The following DNAJC17 variants were observed in gnomAD, a reference collection of about 807,000 sequenced individuals.
DNAJC17 encodes the protein DnaJ heat shock protein family (Hsp40) member C17, also known as dnaJ homolog subfamily C member 17.
DNAJC17 carries 35 observed loss-of-function variants against 48.1 expected under a neutral mutation model. That is an observed-to-expected ratio of 0.73 (90% CI 0.56 to 0.96). DNAJC17 has a LOEUF of 0.96. DNAJC17 is among the 50% of genes least tolerant of loss of function. The pLI, the probability that DNAJC17 is intolerant of heterozygous loss-of-function variation, is 0.00. For missense variants in DNAJC17, 355 were observed against 377.1 expected (o/e 0.94, Z 0.48); for synonymous variants, 117 against 142.7 (o/e 0.82, Z 1.28).
chr15:40,774,179 C>T (rs368201006), intron 9 of DNAJC17, 177 bp downstream of exon 9: 8 of 707,546 alleles, frequency 1.1e-5, no homozygotes, highest in African/African-American at 1.8e-5. Context: ...TCCATCCCTT[C>T]ACACACGGTG....
chr15:40,774,554 C>T (rs553589133), intron 8 of DNAJC17, 118 bp from the exon 9 acceptor site: 1 of 1,070,692 alleles, frequency 9.3e-7, no homozygotes, highest in Admixed American at 2.1e-5. Flanking sequence ...TGGGAGATAA[C>T]TTCTTGCCCC....
In DNAJC17 at chr15:40,766,141, C is replaced by T. The variant is rs1011847764; in HGVS notation, c.*1799G>A. On this transcript the variant is annotated 3_prime_UTR_variant, in exon 11 of 11. Coordinates refer to ENST00000220496, the MANE Select transcript of DNAJC17 (RefSeq NM_018163.3). ...GCTCTGAAAGCTTTCCACATCCTTA[C>T]TGGAACCGCAGAAACAGAGTCCGTT... 1 of 385,844 alleles carries T rather than the reference C, an allele frequency of 2.6e-6. No individual in the cohort carries two copies. The highest frequency in any genetic ancestry group is 4.7e-6 in the Non-Finnish European group (1 of 213,126). The allele number at this position is 385,844 out of a possible 1,614,324, so 23.9% of individuals were successfully genotyped here. A position where few individuals can be genotyped will look rare whatever the true frequency, so the allele number is the denominator to read the frequency against.
intron 1 of DNAJC17, among the ~76,000 whole-genome samples, chr15:40,804,354 G>A (rs1223995920): frequency 4.0e-5 from 6 of 151,522 alleles, no homozygotes; most frequent in Non-Finnish European, 8.8e-5. Context: ...CAGGCAGGAG[G>A]ATAGCTTGAA....
chr15:40,778,632 T>C (rs1011240969), intron 4 of DNAJC17, among the ~76,000 whole-genome samples: 1 of 152,152 alleles, frequency 6.6e-6, no homozygotes, highest in Non-Finnish European at 1.5e-5. Context: ...CTTAGCTCCT[T>C]TGCCTATAAA....
intron 10 of DNAJC17, 97 bp from the exon 11 acceptor site, chr15:40,768,159 G>T: frequency 7.2e-7 from 1 of 1,393,264 alleles, no homozygotes; most frequent in Non-Finnish European, 9.3e-7. Flanking sequence ...CGTTCTAAGA[G>T]TCTCGGAGGG....
intron 1 of DNAJC17, among the ~76,000 whole-genome samples, chr15:40,801,471 T>C (rs539686366): frequency 6.6e-6 from 1 of 152,002 alleles, no homozygotes; most frequent in Non-Finnish European, 1.5e-5. Context: ...AATTGTTGAG[T>C]ATTGGCTGGG....
intron 5 of DNAJC17, 116 bp from the exon 6 acceptor site, chr15:40,776,408 G>A: frequency 6.8e-7 from 1 of 1,461,788 alleles, no homozygotes; most frequent in Non-Finnish European, 9.5e-7. Flanking sequence ...CAACCTGTGG[G>A]TGGGACAAAT....
chr15:40,794,679 A>G (rs1040732801), intron 1 of DNAJC17, among the ~76,000 whole-genome samples: 1 of 152,146 alleles, frequency 6.6e-6, no homozygotes, highest in African/African-American at 2.4e-5. Context: ...AAAAAACAAA[A>G]AACAAAAATA....
chr15:40,785,572 C>T (rs1889618100), intron 1 of DNAJC17, among the ~76,000 whole-genome samples: 1 of 152,210 alleles, frequency 6.6e-6, no homozygotes, highest in Non-Finnish European at 1.5e-5. Context: ...GTGCTTCCTA[C>T]AAGTTCCCAA....
At chr15:40,799,320 G>T (rs970915980) in intron 1 of DNAJC17, among the ~76,000 whole-genome samples, 1 of 151,196 alleles carries the variant, frequency 6.6e-6, no homozygotes, top group African/African-American at 2.4e-5. Context: ...CGAAACCCAG[G>T]TCCTCAACTT....
intron 1 of DNAJC17, among the ~76,000 whole-genome samples, chr15:40,791,537 A>C (rs142650004): frequency 3.3e-5 from 5 of 151,590 alleles, no homozygotes; most frequent in South Asian, 2.1e-4. Flanking sequence ...AAAAACTAAA[A>C]TAAAATAAAA....
Position 40,767,745 on chromosome 15 carries a change from ACT to A in DNAJC17, c.*193_*194del, listed in dbSNP as rs748410102. ...GCTCTGCTTGTGCACGGACTCTGGG[ACT>A]CTCACCCTGCGGAGCGTTTCCCTGG... On this transcript the variant is annotated 3_prime_UTR_variant, in exon 11 of 11. Transcript: ENST00000220496. 1,275 of 730,932 alleles carry A rather than the reference ACT, an allele frequency of 1.7e-3. 1 individual carries two copies. The highest frequency in any genetic ancestry group is 2.5e-3 in the Non-Finnish European group (1,158 of 465,650). The allele number at this position is 730,932 out of a possible 1,614,324, so 45.3% of individuals were successfully genotyped here.
At chr15:40,780,270 C>A in intron 1 of DNAJC17, 1 of 605,718 alleles carries the variant, frequency 1.7e-6, no homozygotes, top group Non-Finnish European at 3.1e-6. Flanking sequence ...CAGGCAGGAG[C>A]ACAGTACCCC....
intron 1 of DNAJC17, among the ~76,000 whole-genome samples, chr15:40,782,858 T>C (rs1889540869): frequency 6.6e-6 from 1 of 152,064 alleles, no homozygotes; most frequent in Non-Finnish European, 1.5e-5. Flanking sequence ...CCAAGCTGTT[T>C]GGTTCTCCTG....
At chr15:40,802,460 C>T (rs1213924190) in intron 1 of DNAJC17, among the ~76,000 whole-genome samples, 2 of 152,156 alleles carry the variant, frequency 1.3e-5, no homozygotes, top group African/African-American at 4.8e-5. Context: ...TGAGCCACTG[C>T]GCCTGGCCAA....
chr15:40,790,343 G>T (rs1478230493), intron 1 of DNAJC17, among the ~76,000 whole-genome samples: 1 of 152,184 alleles, frequency 6.6e-6, no homozygotes, highest in Non-Finnish European at 1.5e-5. Flanking sequence ...GGAGGCTGAG[G>T]CGGGTGGATC....
rs74011885 is a variant in DNAJC17 at position 40,773,645 on chromosome 15, G to A, written c.792+82C>T. 8.2e-4 allele frequency: 906 copies of A among 1,109,180 alleles called. 4 individuals are homozygous for A. In the African/African-American group the frequency reaches 0.013, roughly 16 times the overall value. 68.7% of individuals were successfully genotyped at this position (1,109,180 alleles called of 1,614,324 possible). Reference sequence around the variant, plus strand: ...ACTCTAGGCCCCAAGATCTGAATTTGGAAGGAAAGAGCCTGAGAGGAGCCC... The same window carrying A: ...ACTCTAGGCCCCAAGATCTGAATTTAGAAGGAAAGAGCCTGAGAGGAGCCC... On this transcript the variant is annotated intron_variant, in intron 10 of 10. Coordinates refer to ENST00000220496, the MANE Select transcript of DNAJC17 (RefSeq NM_018163.3).
chr15:40,783,458 C>T (rs1306743965), intron 1 of DNAJC17, among the ~76,000 whole-genome samples: 1 of 151,970 alleles, frequency 6.6e-6, no homozygotes, highest in Non-Finnish European at 1.5e-5. Flanking sequence ...ATGGCATCAC[C>T]TGCAACACTA....
At chr15:40,806,684 G>C (rs1279966941) in intron 1 of DNAJC17, among the ~76,000 whole-genome samples, 2 of 152,130 alleles carry the variant, frequency 1.3e-5, no homozygotes, top group Non-Finnish European at 2.9e-5. Context: ...GATCCAGGGG[G>C]AGATAAAAGA....
Sources: gnomAD v4.1 joint callset for allele counts (sites outside exome capture counted in the v4.1 genomes callset) on GRCh38, gnomAD v4.1.1 for gene constraint, MANE v1.5 for transcripts, NCBI Gene and HGNC (gene_info 2026-07-23, HGNC 2026-07-21) for gene names.